COL5A2: variants seen among roughly 807,000 people sequenced by gnomAD.
COL5A2 encodes the protein collagen type V alpha 2 chain.
Under a neutral mutation model 208.2 loss-of-function variants are expected in COL5A2, and 23 were observed. The observed-to-expected ratio is 0.11, with a 90% confidence interval of 0.08 to 0.16. The LOEUF is 0.16. COL5A2 is among the 10% of genes least tolerant of loss of function. The pLI, the probability that COL5A2 is intolerant of heterozygous loss-of-function variation, is 1.00. For missense variants in COL5A2, 1,590 were observed against 1,956.4 expected (o/e 0.81, Z 3.53); for synonymous variants, 625 against 628.5 (o/e 0.99, Z 0.08).
Position 189,048,189 on chromosome 2 carries a change from A to G in COL5A2, c.3201+20T>C, listed in dbSNP as rs919353220. On this transcript the variant is annotated intron_variant, in intron 45 of 53. Transcript: ENST00000374866. ...GATTTGCATGACTTTAGATTTTATA[A>G]TAAGTGAAATGGCTCTTACACGTTC... 1.2e-6 allele frequency: 2 copies of G among 1,610,834 alleles called. No homozygotes were observed. Among genetic ancestry groups the G allele is most frequent in the Admixed American group, 1.7e-5 (1 of 60,012 alleles).
chr2:189,435,762 A>T, the COL5A2 span, among the ~76,000 whole-genome samples: 3 of 152,358 alleles, frequency 2.0e-5, no homozygotes, highest in South Asian at 4.1e-4. Flanking sequence ...TGTGGAAGAC[A>T]GTGTGGCGAT....
intron 1 of COL5A2, among the ~76,000 whole-genome samples, chr2:189,145,024 G>A (rs979882207): frequency 2.0e-5 from 3 of 152,042 alleles, no homozygotes; most frequent in Non-Finnish European, 4.4e-5. Context: ...ATGGAAGCCC[G>A]AGCTGACCTA....
chr2:189,307,574 G>A, the COL5A2 span, among the ~76,000 whole-genome samples: 4 of 152,258 alleles, frequency 2.6e-5, no homozygotes, highest in South Asian at 2.1e-4. Flanking sequence ...AGAGGCCATC[G>A]AACCAGAGCG....
At chr2:189,048,137 T>C in intron 45 of COL5A2, 72 bp downstream of exon 45, 2 of 1,405,436 alleles carry the variant, frequency 1.4e-6, no homozygotes, top group Non-Finnish European at 2.0e-6. Context: ...AAAATGACAG[T>C]TTTTAGTGTA....
At chr2:189,233,816 G>C in the COL5A2 span, among the ~76,000 whole-genome samples, 1 of 146,642 alleles carries the variant, frequency 6.8e-6, no homozygotes, top group African/African-American at 2.4e-5. Flanking sequence ...TGTGTTACCA[G>C]AATTTTTTGG....
intron 33 of COL5A2, among the ~76,000 whole-genome samples, chr2:189,058,103 T>C (rs1380322298): frequency 6.6e-6 from 1 of 152,220 alleles, no homozygotes; most frequent in African/African-American, 2.4e-5. Flanking sequence ...TAATAAATTA[T>C]GTAATTTTCT....
chr2:189,260,632 G>A, the COL5A2 span, among the ~76,000 whole-genome samples: 1 of 152,140 alleles, frequency 6.6e-6, no homozygotes, highest in Non-Finnish European at 1.5e-5. Context: ...AATAAAGTCG[G>A]GTTTTTCTAA....
At chr2:189,135,583 T>A (rs1441749451) in intron 1 of COL5A2, among the ~76,000 whole-genome samples, 1 of 152,224 alleles carries the variant, frequency 6.6e-6, no homozygotes, top group Admixed American at 6.5e-5. Flanking sequence ...TAGGCTAATG[T>A]CTTTCAATTG....
At chr2:189,218,459 A>C (rs1486883418) in intron 1 of COL5A2, among the ~76,000 whole-genome samples, 1 of 152,152 alleles carries the variant, frequency 6.6e-6, no homozygotes, top group Non-Finnish European at 1.5e-5. Context: ...AGAGGCAAAG[A>C]ACGATTTTCC....
chr2:189,064,968 C>G, intron 24 of COL5A2, 36 bp downstream of exon 24: 2 of 1,606,668 alleles, frequency 1.2e-6, no homozygotes, highest in African/African-American at 1.3e-5. Flanking sequence ...TGGAGCACCC[C>G]CCACGTAAGT....
chr2:189,347,914 T>C, the COL5A2 span, among the ~76,000 whole-genome samples: 4 of 152,294 alleles, frequency 2.6e-5, no homozygotes, highest in South Asian at 8.3e-4. Flanking sequence ...TTCCTTTGGC[T>C]AAGTAAGTCC....
chr2:189,064,705 A>G, intron 24 of COL5A2, 50 bp from the exon 25 acceptor site: 1 of 1,271,054 alleles, frequency 7.9e-7, no homozygotes, highest in East Asian at 2.3e-5. Context: ...TAGAAAAACA[A>G]AAGCAAGCAG....
chr2:189,094,892 C>T (rs573699250), intron 6 of COL5A2, among the ~76,000 whole-genome samples: 24 of 151,358 alleles, frequency 1.6e-4, no homozygotes, highest in African/African-American at 5.8e-4. Context: ...GTATCTCATA[C>T]TGAACTACTG....
At chr2:189,133,436 T>C (rs1158548004) in intron 1 of COL5A2, among the ~76,000 whole-genome samples, 1 of 152,090 alleles carries the variant, frequency 6.6e-6, no homozygotes, top group Admixed American at 6.5e-5. Flanking sequence ...AACTTCTTTA[T>C]GAAAGAAAGA....
At chr2:189,102,039 T>A (rs1687056551) in intron 3 of COL5A2, among the ~76,000 whole-genome samples, 1 of 152,126 alleles carries the variant, frequency 6.6e-6, no homozygotes, top group South Asian at 2.1e-4. Context: ...TTTTTCAAAA[T>A]GCTGAAAGAA....
chr2:189,409,683 C>T, the COL5A2 span, among the ~76,000 whole-genome samples: 1 of 152,016 alleles, frequency 6.6e-6, no homozygotes, highest in Non-Finnish European at 1.5e-5. Context: ...AATAAAAATA[C>T]AAGCTTTATA....
chr2:189,064,377 T>A (rs1304170755), intron 25 of COL5A2, among the ~76,000 whole-genome samples, 180 bp downstream of exon 25: 3 of 152,158 alleles, frequency 2.0e-5, no homozygotes, highest in Non-Finnish European at 2.9e-5. Flanking sequence ...GTTTTCTATA[T>A]ATGATAAAAA....
intron 1 of COL5A2, among the ~76,000 whole-genome samples, chr2:189,178,479 G>A (rs751775942): frequency 6.6e-6 from 1 of 151,936 alleles, no homozygotes; most frequent in Non-Finnish European, 1.5e-5. Context: ...TGAGTTTGAT[G>A]TTACATGGTT....
At chr2:189,336,182 C>T in the COL5A2 span, among the ~76,000 whole-genome samples, 37 of 152,098 alleles carry the variant, frequency 2.4e-4, no homozygotes, top group Admixed American at 5.2e-4. Context: ...AATAAAGCCA[C>T]AATGTGATAA....
Sources: gnomAD v4.1 joint callset for allele counts (sites outside exome capture counted in the v4.1 genomes callset) on GRCh38, gnomAD v4.1.1 for gene constraint, MANE v1.5 for transcripts, NCBI Gene and HGNC (gene_info 2026-07-23, HGNC 2026-07-21) for gene names.